The following NR1H4 variants were observed in gnomAD, a reference collection of about 807,000 sequenced individuals.
NR1H4 encodes nuclear receptor subfamily 1 group H member 4.
A neutral mutation model predicts 58.5 loss-of-function variants in NR1H4; 23 were observed. The observed-to-expected ratio is 0.39, with a 90% CI of 0.28 to 0.56. The LOEUF is 0.56. Among genes scored for constraint, NR1H4 ranks in the 20% least tolerant of loss-of-function variants. NR1H4 has a pLI of 0.58. For synonymous variants in NR1H4, 214 were observed against 198.0 expected, an observed-to-expected ratio of 1.08 and a Z score of -0.68; for missense variants, 487 against 576.9, an observed-to-expected ratio of 0.84 and a Z score of 1.60.
intron 1 of NR1H4, among the ~76,000 whole-genome samples, chr12:100,483,405 A>G (rs1420740450): frequency 6.6e-6 from 1 of 152,226 alleles, no homozygotes; most frequent in Non-Finnish European, 1.5e-5. Flanking sequence ...ATCTATCACT[A>G]AAAATCTATG....
chr12:100,503,454 TC>T (rs1456812300), intron 3 of NR1H4: 1 of 1,597,538 alleles, frequency 6.3e-7, no homozygotes, highest in Non-Finnish European at 8.5e-7. Flanking sequence ...CTGTACGCCG[TC>T]AGGATTTTTC....
intron 1 of NR1H4, among the ~76,000 whole-genome samples, chr12:100,481,042 G>A (rs540903696): frequency 6.6e-6 from 1 of 152,164 alleles, no homozygotes; most frequent in African/African-American, 2.4e-5. Flanking sequence ...CTTAAAGCCT[G>A]GCTTAGAAGT....
At position 100,476,889 on chromosome 12, in the gene NR1H4, A is replaced by G. The variant is rs551333476; in HGVS notation, c.-190+2830A>G. 2.6e-5 allele frequency among the ~76,000 whole-genome samples: 4 copies of G among 152,178 alleles called. No homozygotes were observed. The South Asian group carries it at 8.3e-4, about 32-fold the overall frequency. On this transcript the variant is annotated intron_variant, in intron 1 of 10. Coordinates refer to ENST00000392986, the MANE Select transcript of NR1H4 (RefSeq NM_001206979.2). ...GTAACATAGAGAGACACCACCTCAA[A>G]ATTTTTTTTAAAAAATAAGAAATAG...
intron 9 of NR1H4, among the ~76,000 whole-genome samples, chr12:100,559,046 T>C (rs1955399982): frequency 6.6e-6 from 1 of 152,210 alleles, no homozygotes; most frequent in South Asian, 2.1e-4. Flanking sequence ...TGTGAATAGT[T>C]AGATAGGCAG....
At chr12:100,479,655 T>C (rs889249285) in intron 1 of NR1H4, among the ~76,000 whole-genome samples, 1 of 152,224 alleles carries the variant, frequency 6.6e-6, no homozygotes, top group African/African-American at 2.4e-5. Context: ...ACTATACCCT[T>C]GTTTAAAACT....
chr12:100,487,167 A>G (rs541273638), intron 1 of NR1H4, among the ~76,000 whole-genome samples: 1 of 152,332 alleles, frequency 6.6e-6, no homozygotes, highest in East Asian at 1.9e-4. Flanking sequence ...AAATTGTTCA[A>G]AGTGAGAGTG....
chr12:100,552,947 C>T (rs1311017726), intron 9 of NR1H4, among the ~76,000 whole-genome samples: 1 of 151,818 alleles, frequency 6.6e-6, no homozygotes, highest in Non-Finnish European at 1.5e-5. Context: ...ATGGAGCACC[C>T]TTTATGGGTC....
intron 4 of NR1H4, among the ~76,000 whole-genome samples, chr12:100,514,675 A>G (rs1954217216): frequency 6.6e-6 from 1 of 152,148 alleles, no homozygotes; most frequent in South Asian, 2.1e-4. Flanking sequence ...TATAATATAG[A>G]GCTTCTCAAA....
intron 4 of NR1H4, among the ~76,000 whole-genome samples, chr12:100,521,166 G>C (rs1954406934): frequency 6.6e-6 from 1 of 151,136 alleles, no homozygotes; most frequent in Non-Finnish European, 1.5e-5. Flanking sequence ...CAAAGATCAG[G>C]GTTAAATTTC....
At chr12:100,545,806 T>C (rs1401705176) in intron 9 of NR1H4, among the ~76,000 whole-genome samples, 4 of 151,872 alleles carry the variant, frequency 2.6e-5, no homozygotes, top group Admixed American at 2.0e-4. Context: ...GAAGCAGATA[T>C]CAACATGGGA....
At chr12:100,513,466 G>A (rs939037483) in intron 4 of NR1H4, among the ~76,000 whole-genome samples, 3 of 152,042 alleles carry the variant, frequency 2.0e-5, no homozygotes, top group African/African-American at 7.2e-5. Flanking sequence ...AAAATGGTGT[G>A]GAATAAAGCA....
At chr12:100,508,498 A>G (rs1197341576) in intron 3 of NR1H4, among the ~76,000 whole-genome samples, 1 of 152,116 alleles carries the variant, frequency 6.6e-6, no homozygotes, top group Non-Finnish European at 1.5e-5. Flanking sequence ...GAGAGCAGCA[A>G]TTCAGTGCAT....
intron 9 of NR1H4, 37 bp from the exon 10 acceptor site, chr12:100,561,848 T>C: frequency 2.3e-6 from 2 of 876,790 alleles, no homozygotes; most frequent in South Asian, 2.6e-5. Context: ...GTTTAGTCAC[T>C]CAAAAATTGT....
chr12:100,522,110 AGAT>A (rs1230422474), intron 4 of NR1H4, among the ~76,000 whole-genome samples: 1 of 151,760 alleles, frequency 6.6e-6, no homozygotes, highest in Admixed American at 6.6e-5. Context: ...AAAGATGAGG[AGAT>A]GATGATGATG....
At chr12:100,508,048 G>A (rs1954010865) in intron 3 of NR1H4, among the ~76,000 whole-genome samples, 1 of 151,862 alleles carries the variant, frequency 6.6e-6, no homozygotes, top group South Asian at 2.1e-4. Context: ...GGGAGGCCCA[G>A]GTAGGGTAAG....
chr12:100,521,966 A>C (rs927057047), intron 4 of NR1H4, among the ~76,000 whole-genome samples: 1 of 152,158 alleles, frequency 6.6e-6, no homozygotes, highest in African/African-American at 2.4e-5. Context: ...AATCGTGGGA[A>C]GAGTAGGACC....
chr12:100,482,304 A>G (rs554855283), intron 1 of NR1H4, among the ~76,000 whole-genome samples: 1 of 152,336 alleles, frequency 6.6e-6, no homozygotes, highest in Non-Finnish European at 1.5e-5. Context: ...TGTGACAAAA[A>G]AAAAATCCTT....
intron 5 of NR1H4, among the ~76,000 whole-genome samples, chr12:100,533,083 TG>T (rs1424375004): frequency 6.6e-6 from 1 of 152,236 alleles, no homozygotes; most frequent in East Asian, 1.9e-4. Flanking sequence ...CTTCTCTTAG[TG>T]CAGCTTTGAA....
chr12:100,508,505 G>T (rs946910287), intron 3 of NR1H4, among the ~76,000 whole-genome samples: 2 of 152,056 alleles, frequency 1.3e-5, no homozygotes, highest in African/African-American at 4.8e-5. Context: ...GCAATTCAGT[G>T]CATGGGCTTT....
Sources: gnomAD v4.1 joint callset for allele counts (sites outside exome capture counted in the v4.1 genomes callset) on GRCh38, gnomAD v4.1.1 for gene constraint, MANE v1.5 for transcripts, NCBI Gene and HGNC (gene_info 2026-07-23, HGNC 2026-07-21) for gene names.